KCNS3: variants seen among roughly 807,000 people sequenced by gnomAD.
The protein encoded by KCNS3 is delayed-rectifier potassium channel regulatory subunit KCNS3.
KCNS3 carries 13 observed loss-of-function variants against 31.0 expected under a neutral mutation model. The ratio of observed to expected loss-of-function variants is 0.42; its 90% confidence interval spans 0.27 to 0.67. The LOEUF is 0.67. KCNS3 is among the 30% of genes least tolerant of loss of function. KCNS3 has a pLI of 0.25. For missense variants in KCNS3, 545 were observed against 622.4 expected (o/e 0.88, Z 1.32); for synonymous variants, 238 against 241.5 (o/e 0.99, Z 0.13).
chr2:17,891,026 G>A (rs866859712), intron 1 of KCNS3, among the ~76,000 whole-genome samples: 44 of 152,168 alleles, frequency 2.9e-4, no homozygotes, highest in Middle Eastern at 3.4e-3. Flanking sequence ...GTAGAGTATC[G>A]ATGTCCCCTG....
intron 1 of KCNS3, among the ~76,000 whole-genome samples, chr2:17,912,658 G>A (rs1572495399): frequency 6.6e-6 from 1 of 152,216 alleles, no homozygotes. Context: ...CCCAGGGGGA[G>A]GTTGTCTAGA....
chr2:17,899,710 T>C (rs1029914776), intron 1 of KCNS3, among the ~76,000 whole-genome samples: 3 of 152,194 alleles, frequency 2.0e-5, no homozygotes, highest in Admixed American at 6.5e-5. Flanking sequence ...GTAAGCACTA[T>C]ATAAAGGTTT....
At chr2:17,888,753 T>C (rs1661767271) in intron 1 of KCNS3, among the ~76,000 whole-genome samples, 2 of 150,366 alleles carry the variant, frequency 1.3e-5, no homozygotes, top group Middle Eastern at 3.2e-3. Context: ...TTTGGGTTTA[T>C]TTCTGGGTTC....
chr2:17,903,968 T>TAC (rs1662250470), intron 1 of KCNS3, among the ~76,000 whole-genome samples: 1 of 152,182 alleles, frequency 6.6e-6, no homozygotes, highest in South Asian at 2.1e-4. Flanking sequence ...TTTGGGTATA[T>TAC]ACCCAGTAAT....
At chr2:17,878,357 C>G (rs1332704865), upstream of KCNS3, among the ~76,000 whole-genome samples, 1 of 151,956 alleles carries the variant, frequency 6.6e-6, no homozygotes, top group Non-Finnish European at 1.5e-5. Context: ...GGGGCGCGCT[C>G]CTGGTCCCAC....
chr2:17,927,280 A>G (rs1662860460), intron 2 of KCNS3, among the ~76,000 whole-genome samples: 1 of 152,072 alleles, frequency 6.6e-6, no homozygotes, highest in South Asian at 2.1e-4. Flanking sequence ...GGCCAAAACC[A>G]CTCAACAAGT....
Position 17,900,917 on chromosome 2 carries a change from G to A in KCNS3, c.-251-16763G>A, listed in dbSNP as rs541431795. On this transcript the variant is annotated intron_variant, in intron 1 of 2. Transcript: ENST00000304101. The stretch of plus-strand genomic sequence containing the variant: ...TTAATTGAACATTTTTATATCCCAA[G>A]CACAGAGTGTTTTATTTGTATTATC... Among the ~76,000 whole-genome samples, 4 of 152,232 alleles carry A rather than the reference G, an allele frequency of 2.6e-5. No homozygotes were observed. The East Asian group carries it at 7.7e-4, about 29-fold the overall frequency.
chr2:17,929,590 A>G (rs1662911060), intron 2 of KCNS3, among the ~76,000 whole-genome samples: 2 of 152,194 alleles, frequency 1.3e-5, no homozygotes, highest in African/African-American at 4.8e-5. Context: ...CACAGAGCCA[A>G]ACCATATTAG....
chr2:17,912,650 C>A (rs1244974312), intron 1 of KCNS3, among the ~76,000 whole-genome samples: 1 of 152,224 alleles, frequency 6.6e-6, no homozygotes, highest in Non-Finnish European at 1.5e-5. Context: ...CTCCATTCCC[C>A]AGGGGGAGGT....
intron 2 of KCNS3, among the ~76,000 whole-genome samples, chr2:17,930,480 G>C (rs926580153): frequency 1.3e-5 from 2 of 152,136 alleles, no homozygotes; most frequent in Non-Finnish European, 2.9e-5. Context: ...GTGTGTTGGG[G>C]GCATGACCAA....
intron 1 of KCNS3, among the ~76,000 whole-genome samples, chr2:17,897,632 T>A (rs1222660852): frequency 6.6e-6 from 1 of 152,198 alleles, no homozygotes; most frequent in Non-Finnish European, 1.5e-5. Flanking sequence ...GGTTATTTGT[T>A]CTTTGTTGTC....
intron 1 of KCNS3, among the ~76,000 whole-genome samples, chr2:17,915,685 G>T (rs1662573473): frequency 6.6e-6 from 1 of 152,184 alleles, no homozygotes; most frequent in African/African-American, 2.4e-5. Flanking sequence ...TCCTAAAAAG[G>T]TGCTTAGCTT....
At chr2:17,922,983 A>G (rs1234675489) in intron 2 of KCNS3, among the ~76,000 whole-genome samples, 1 of 152,218 alleles carries the variant, frequency 6.6e-6, no homozygotes, top group Non-Finnish European at 1.5e-5. Context: ...TTGCTGGGTC[A>G]TATGGTAAAC....
chr2:17,888,803 C>T (rs377272293), intron 1 of KCNS3, among the ~76,000 whole-genome samples: 6 of 150,972 alleles, frequency 4.0e-5, no homozygotes, highest in Non-Finnish European at 5.9e-5. Flanking sequence ...GTTTTTATAC[C>T]GGTACCATGC....
chr2:17,908,715 T>C (rs745831983), intron 1 of KCNS3, among the ~76,000 whole-genome samples: 2 of 152,218 alleles, frequency 1.3e-5, no homozygotes, highest in Non-Finnish European at 2.9e-5. Context: ...TGGAGTTTGC[T>C]AGAGGTCCAC....
intron 1 of KCNS3, among the ~76,000 whole-genome samples, chr2:17,906,569 A>C (rs970376577): frequency 6.6e-6 from 1 of 152,074 alleles, no homozygotes; most frequent in Non-Finnish European, 1.5e-5. Flanking sequence ...TCAGTTTTAG[A>C]TGTTTCCTGC....
Position 17,921,911 on chromosome 2 carries a change from GTGTGTATATATATATA to G in KCNS3, c.-60+4042_-60+4057del, listed in dbSNP as rs1424067541. 8.1e-3 allele frequency among the ~76,000 whole-genome samples: 814 copies of G among 100,430 alleles called. 15 individuals carry two copies. Among genetic ancestry groups the G allele is most frequent in the African/African-American group, 0.031 (760 of 24,752 alleles). 65.9% of individuals were successfully genotyped at this position (100,430 alleles called of 152,430 possible). ...CTGATTTTCATATATATGTGTGTGT[GTGTGTATATATATATA>G]TATATATATATATATATATATATAT... On this transcript the variant is annotated intron_variant, in intron 2 of 2. Transcript: ENST00000304101.
intron 1 of KCNS3, among the ~76,000 whole-genome samples, chr2:17,887,822 C>T (rs556296436): frequency 6.6e-6 from 1 of 152,286 alleles, no homozygotes. Context: ...TTCACCACAT[C>T]CACTTCAACA....
chr2:17,887,847 A>AT (rs1177600157), intron 1 of KCNS3, among the ~76,000 whole-genome samples: 1 of 151,882 alleles, frequency 6.6e-6, no homozygotes, highest in Non-Finnish European at 1.5e-5. Context: ...CTGTTTTTTG[A>AT]TTTTTTTATT....
Sources: allele counts gnomAD v4.1 joint callset (sites outside exome capture counted in the v4.1 genomes callset), GRCh38; gene constraint gnomAD v4.1.1; transcripts MANE v1.5; gene names NCBI Gene and HGNC (gene_info 2026-07-23, HGNC 2026-07-21).